The following NLGN1 variants were observed in gnomAD, a reference collection of about 807,000 sequenced individuals.
NLGN1 encodes the protein neuroligin-1.
A neutral mutation model predicts 65.5 loss-of-function variants in NLGN1; 12 were observed. The ratio of observed to expected loss-of-function variants is 0.18; its 90% CI spans 0.12 to 0.30. The LOEUF is 0.30. NLGN1 is among the 10% of genes least tolerant of loss of function. NLGN1 has a pLI of 1.00. For synonymous variants in NLGN1, 350 were observed against 359.5 expected, an observed-to-expected ratio of 0.97 and a Z score of 0.30; for missense variants, 750 against 1,007.1, an observed-to-expected ratio of 0.74 and a Z score of 3.46.
intron 2 of NLGN1, among the ~76,000 whole-genome samples, chr3:173,602,866 A>T (rs9824122): frequency 0.05 from 7,620 of 152,152 alleles, 658 homozygotes; most frequent in African/African-American, 0.17. Context: ...TCTTCGATAA[A>T]TGCTAGAGTT....
chr3:174,040,147 T>A (rs572176080), intron 4 of NLGN1, among the ~76,000 whole-genome samples: 19 of 152,288 alleles, frequency 1.2e-4, no homozygotes, highest in African/African-American at 3.8e-4. Context: ...ATTCCTCTGT[T>A]GTCTTTTTTT....
chr3:174,101,509 G>C (rs757291988), intron 4 of NLGN1, among the ~76,000 whole-genome samples: 16 of 152,276 alleles, frequency 1.1e-4, no homozygotes, highest in Non-Finnish European at 2.4e-4. Context: ...AACCCAAAGT[G>C]CTGGAGCCAT....
At chr3:173,640,362 T>A (rs1156323891) in intron 3 of NLGN1, among the ~76,000 whole-genome samples, 1 of 152,142 alleles carries the variant, frequency 6.6e-6, no homozygotes, top group Admixed American at 6.6e-5. Flanking sequence ...AAACATTCTT[T>A]ATATTCTTCA....
intron 4 of NLGN1, among the ~76,000 whole-genome samples, chr3:173,954,232 C>G (rs1748752901): frequency 6.6e-6 from 1 of 152,004 alleles, no homozygotes; most frequent in Admixed American, 6.6e-5. Flanking sequence ...CAAGCCTGAC[C>G]CAGGAATAGT....
intron 3 of NLGN1, among the ~76,000 whole-genome samples, chr3:173,728,271 A>G (rs890355114): frequency 6.6e-6 from 1 of 152,144 alleles, no homozygotes; most frequent in African/African-American, 2.4e-5. Context: ...AAGACTATGA[A>G]AGTCCTAAGA....
intron 2 of NLGN1, among the ~76,000 whole-genome samples, chr3:173,482,596 C>G (rs1727481129): frequency 6.6e-6 from 1 of 151,516 alleles, no homozygotes; most frequent in Admixed American, 6.6e-5. Flanking sequence ...TTAACATGGT[C>G]TCTTAATTTT....
intron 2 of NLGN1, among the ~76,000 whole-genome samples, chr3:173,447,527 A>C (rs545435870): frequency 1.3e-5 from 2 of 152,326 alleles, no homozygotes; most frequent in South Asian, 4.1e-4. Context: ...CTTTTGGCTT[A>C]GGATTGACTT....
intron 4 of NLGN1, among the ~76,000 whole-genome samples, chr3:173,823,448 T>A (rs2150548483): frequency 6.6e-6 from 1 of 152,176 alleles, no homozygotes; most frequent in Admixed American, 6.5e-5. Flanking sequence ...TACTCTGAAT[T>A]TTTTATTCTT....
chr3:173,570,924 G>A (rs1454123661), intron 2 of NLGN1, among the ~76,000 whole-genome samples: 9 of 152,022 alleles, frequency 5.9e-5, no homozygotes, highest in African/African-American at 1.9e-4. Context: ...GGCTGGTCTC[G>A]AACTGCTGAC....
chr3:173,639,955 C>A (rs1311222280), intron 3 of NLGN1, among the ~76,000 whole-genome samples: 1 of 151,682 alleles, frequency 6.6e-6, no homozygotes, highest in African/African-American at 2.4e-5. Flanking sequence ...TTCTTCTTCC[C>A]ATTTCTTTTC....
At chr3:174,125,587 C>G (rs991909477) in intron 4 of NLGN1, among the ~76,000 whole-genome samples, 1 of 152,050 alleles carries the variant, frequency 6.6e-6, no homozygotes, top group Non-Finnish European at 1.5e-5. Flanking sequence ...AATGGAGATA[C>G]TGAATAGGCT....
intron 4 of NLGN1, among the ~76,000 whole-genome samples, chr3:174,079,582 T>A (rs1438505697): frequency 1.3e-5 from 2 of 152,092 alleles, no homozygotes; most frequent in East Asian, 3.8e-4. Context: ...TATAAAGACA[T>A]GCATATGTTC....
intron 2 of NLGN1, among the ~76,000 whole-genome samples, chr3:173,588,653 A>G (rs1212819661): frequency 6.6e-6 from 1 of 152,142 alleles, no homozygotes; most frequent in Non-Finnish European, 1.5e-5. Flanking sequence ...TTTCCGTTGC[A>G]TGTGAGAGAA....
intron 3 of NLGN1, among the ~76,000 whole-genome samples, chr3:173,656,108 C>T (rs772312074): frequency 5.3e-5 from 8 of 152,050 alleles, no homozygotes; most frequent in Middle Eastern, 3.2e-3. Context: ...GTCATTTACT[C>T]GGTGTTTGTC....
rs192857395 is a variant in NLGN1, at chr3:173,901,992, C to T, written c.646+94160C>T. On this transcript the variant is annotated intron_variant, in intron 4 of 6. Coordinates refer to ENST00000457714, the Ensembl canonical transcript of NLGN1. ...TTAGTATTAAAACTGACTATTGGAT[C>T]TTCTGATGTGGATTTTATTATTAGT... is the stretch of plus-strand genomic sequence containing the variant. Among the ~76,000 whole-genome samples the T allele has an allele frequency of 3.3e-5, 5 of 152,212 alleles. No individual in the cohort carries two copies. The East Asian group carries it at 9.6e-4, about 29-fold the overall frequency.
At chr3:173,853,528 A>G (rs972861098) in intron 4 of NLGN1, among the ~76,000 whole-genome samples, 3 of 152,168 alleles carry the variant, frequency 2.0e-5, no homozygotes, top group Admixed American at 2.0e-4. Context: ...CAAAGTACCC[A>G]AAGTGTCTGG....
At chr3:173,512,281 A>T (rs1608395) in intron 2 of NLGN1, among the ~76,000 whole-genome samples, 85,028 of 152,076 alleles carry the variant, frequency 0.56, 24,287 homozygotes, top group East Asian at 0.85. Flanking sequence ...CTTGAATTCT[A>T]GTCTGGTGCC....
At chr3:173,537,038 G>A (rs73045424) in intron 2 of NLGN1, among the ~76,000 whole-genome samples, 6,738 of 152,134 alleles carry the variant, frequency 0.044, 429 homozygotes, top group African/African-American at 0.14. Context: ...TGTTCTCTTC[G>A]GGCCTACAGT....
chr3:173,484,676 A>G (rs1039131434), intron 2 of NLGN1, among the ~76,000 whole-genome samples: 13 of 152,224 alleles, frequency 8.5e-5, no homozygotes, highest in African/African-American at 3.1e-4. Flanking sequence ...ATTTAACTCT[A>G]CAAGCATCAA....
Sources: allele counts gnomAD v4.1 joint callset (sites outside exome capture counted in the v4.1 genomes callset), GRCh38; gene constraint gnomAD v4.1.1; transcripts MANE v1.5; gene names NCBI Gene and HGNC (gene_info 2026-07-23, HGNC 2026-07-21).